Variants in SLC9A1 observed in about 807,000 individuals in gnomAD.
SLC9A1 encodes sodium/hydrogen exchanger 1.
SLC9A1 carries 22 observed loss-of-function variants against 67.9 expected under a neutral mutation model. The observed-to-expected ratio is 0.32, with a 90% CI of 0.23 to 0.46. SLC9A1 has a LOEUF of 0.46. Ranked by LOEUF, SLC9A1 falls within the 20% of genes least tolerant of loss-of-function variation. The pLI is 1.00. For missense variants in SLC9A1, 686 were observed against 1,094.8 expected (o/e 0.63, Z 5.27); for synonymous variants, 421 against 471.8 (o/e 0.89, Z 1.40).
chr1:27,128,213 C>G (rs191864394), intron 1 of SLC9A1, among the ~76,000 whole-genome samples: 1 of 152,158 alleles, frequency 6.6e-6, no homozygotes, highest in African/African-American at 2.4e-5. Context: ...TAAATCTTAA[C>G]TTCTCTGTGA....
At chr1:27,123,858 G>A (rs1430539245) in intron 1 of SLC9A1, among the ~76,000 whole-genome samples, 2 of 148,456 alleles carry the variant, frequency 1.3e-5, no homozygotes, top group South Asian at 2.2e-4. Context: ...ACGGAGTCCC[G>A]CACAGTCACC....
chr1:27,137,929 T>C lies in SLC9A1; in HGVS notation c.352+16054A>G, dbSNP rs1298461452. 6.6e-6 allele frequency among the ~76,000 whole-genome samples: 1 copy of C among 152,212 alleles called. No homozygotes were observed. Among genetic ancestry groups the C allele is most frequent in the Admixed American group, 6.5e-5 (1 of 15,286 alleles). ...CAGCTCTCCTAGGCTGGAGCTTCCA[T>C]CCCACTGCTGGCTTGGCCAGTGGTG... is the stretch of plus-strand genomic sequence containing the variant. On this transcript the variant is annotated intron_variant, in intron 1 of 11. Transcript: ENST00000263980. The surrounding 1 kb of genome is among the most constrained non-coding windows in gnomAD (Gnocchi z 4.6).
rs1037003353 is a variant in SLC9A1 at position 27,137,112 on chromosome 1, T to C, written c.352+16871A>G. 2.0e-5 allele frequency among the ~76,000 whole-genome samples: 3 copies of C among 152,396 alleles called. No homozygotes were observed. Among genetic ancestry groups the C allele is most frequent in the Non-Finnish European group, 4.4e-5 (3 of 68,038 alleles). On this transcript the variant is annotated intron_variant, in intron 1 of 11. Coordinates refer to ENST00000263980, the MANE Select transcript of SLC9A1 (RefSeq NM_003047.5). This position sits in a 1 kb window ranked among gnomAD's most constrained non-coding sequence, Gnocchi z 4.6. The stretch of plus-strand genomic sequence containing the variant: ...CTGCCTTGTGTTTTAGTTGTTTACA[T>C]GTCTGTCTCCCACACACAAGTGTCA...
intron 1 of SLC9A1, among the ~76,000 whole-genome samples, chr1:27,149,294 G>A (rs11247613): frequency 0.31 from 46,644 of 152,104 alleles, 7,587 homozygotes; most frequent in Non-Finnish European, 0.36. Flanking sequence ...GCCAAGACTC[G>A]AACAGACAAT....
chr1:27,146,697 T>C (rs2083487485), intron 1 of SLC9A1, among the ~76,000 whole-genome samples: 1 of 152,188 alleles, frequency 6.6e-6, no homozygotes, highest in Admixed American at 6.5e-5. Flanking sequence ...GGGGATTGCC[T>C]GGAGCCAGGG....
chr1:27,147,877 C>T (rs2083500012), intron 1 of SLC9A1, among the ~76,000 whole-genome samples: 1 of 151,992 alleles, frequency 6.6e-6, no homozygotes, highest in Non-Finnish European at 1.5e-5. Flanking sequence ...GCCTGTAATC[C>T]CCACTACTCA....
chr1:27,150,388 T>C (rs1375636038), intron 1 of SLC9A1, among the ~76,000 whole-genome samples: 1 of 152,190 alleles, frequency 6.6e-6, no homozygotes, highest in Non-Finnish European at 1.5e-5. Flanking sequence ...TGCCAGGCAT[T>C]CTGGGTCAGG....
At chr1:27,150,879 G>T (rs2083521954) in intron 1 of SLC9A1, among the ~76,000 whole-genome samples, 1 of 152,170 alleles carries the variant, frequency 6.6e-6, no homozygotes, top group African/African-American at 2.4e-5. Context: ...GGGGTAACCT[G>T]CAAGGGAAGC....
intron 2 of SLC9A1, among the ~76,000 whole-genome samples, chr1:27,110,300 C>CA (rs2083219262): frequency 6.6e-6 from 1 of 151,950 alleles, no homozygotes; most frequent in African/African-American, 2.4e-5. Flanking sequence ...TCCTTCAGCA[C>CA]AAAAAAGGGA....
At chr1:27,103,389 C>G in intron 5 of SLC9A1, 77 bp from the exon 6 acceptor site, 2 of 1,017,350 alleles carry the variant, frequency 2.0e-6, no homozygotes, top group South Asian at 2.5e-5. Flanking sequence ...CTCCCTCACC[C>G]CAGGCCCCCA....
At chr1:27,144,627 A>G (rs917651833) in intron 1 of SLC9A1, among the ~76,000 whole-genome samples, 7 of 152,222 alleles carry the variant, frequency 4.6e-5, no homozygotes, top group Non-Finnish European at 7.3e-5. Flanking sequence ...CAGGGATCCT[A>G]TCTTTACACT....
chr1:27,102,901 G>A lies in SLC9A1; in HGVS notation c.1576-158C>T, dbSNP rs946017245. 35 of 677,342 alleles carry A rather than the reference G, an allele frequency of 5.2e-5. No individual in the cohort carries two copies. The East Asian group carries it at 7.3e-4, about 14-fold the overall frequency. 42.0% of individuals were successfully genotyped at this position (677,342 alleles called of 1,614,324 possible). A position where few individuals can be genotyped will look rare whatever the true frequency, so the allele number is the denominator to read the frequency against. On this transcript the variant is annotated intron_variant, in intron 6 of 11. Transcript: ENST00000263980. ...AGGTGGCGCCCACACTCCACTCATC[G>A]AACCCAGCGGCCCTGACTCTGGGTA... is the stretch of plus-strand genomic sequence containing the variant.
At chr1:27,140,052 C>T (rs776743082) in intron 1 of SLC9A1, among the ~76,000 whole-genome samples, 4 of 152,040 alleles carry the variant, frequency 2.6e-5, no homozygotes, top group Non-Finnish European at 5.9e-5. Context: ...CTCAGCCTCC[C>T]AAAGTGCCGG....
intron 1 of SLC9A1, among the ~76,000 whole-genome samples, chr1:27,128,099 G>T (rs2083357914): frequency 6.6e-6 from 1 of 152,200 alleles, no homozygotes; most frequent in Admixed American, 6.5e-5. Context: ...GTGGCATCTG[G>T]GTACAGAATA....
At chr1:27,132,386 C>T (rs2083391978) in intron 1 of SLC9A1, among the ~76,000 whole-genome samples, 1 of 152,046 alleles carries the variant, frequency 6.6e-6, no homozygotes. Flanking sequence ...GTTTGCTCGG[C>T]CATATAATGA....
intron 5 of SLC9A1, 39 bp downstream of exon 5, chr1:27,105,846 G>A (rs1410044401): frequency 6.5e-7 from 1 of 1,543,906 alleles, no homozygotes; most frequent in South Asian, 1.1e-5. Flanking sequence ...GCCTGTGAGG[G>A]TCCCCAAGGC....
chr1:27,102,314 T>G (rs929711801), intron 8 of SLC9A1, 71 bp downstream of exon 8: 3 of 1,510,466 alleles, frequency 2.0e-6, no homozygotes, highest in Non-Finnish European at 2.7e-6. Context: ...GCCCCCCAGG[T>G]GGCCACCTCC....
intron 5 of SLC9A1, among the ~76,000 whole-genome samples, chr1:27,104,401 CGA>C (rs1051000244): frequency 2.0e-5 from 3 of 151,214 alleles, no homozygotes; most frequent in Admixed American, 6.6e-5. Context: ...TTTCTTAACT[CGA>C]GAGAGAGTCT....
intron 1 of SLC9A1, among the ~76,000 whole-genome samples, chr1:27,144,667 C>A (rs562100257): frequency 6.6e-6 from 1 of 152,306 alleles, no homozygotes; most frequent in African/African-American, 2.4e-5. Flanking sequence ...TTCATGTATT[C>A]CTTCCCCAAA....
Sources: gnomAD v4.1 joint callset for allele counts (sites outside exome capture counted in the v4.1 genomes callset) on GRCh38, gnomAD v4.1.1 for gene constraint, Gnocchi (gnomAD v3.1) non-coding constraint, MANE v1.5 for transcripts, NCBI Gene and HGNC (gene_info 2026-07-23, HGNC 2026-07-21) for gene names.